The following KIRREL3 variants were observed in gnomAD, a reference collection of about 807,000 sequenced individuals.
KIRREL3 encodes the protein kin of IRRE-like protein 3.
Under a neutral mutation model 89.7 loss-of-function variants are expected in KIRREL3, and 36 were observed. The ratio of observed to expected loss-of-function variants is 0.40; its 90% confidence interval spans 0.31 to 0.53. The LOEUF (loss-of-function observed/expected upper bound fraction) is 0.53. Among genes scored for constraint, KIRREL3 ranks in the 20% least tolerant of loss-of-function variants. The pLI is 0.49. For missense variants in KIRREL3, 864 were observed against 1,056.6 expected (o/e 0.82, Z 2.53); for synonymous variants, 445 against 441.4 (o/e 1.01, Z -0.10).
chr11:126,465,939 G>A (rs1283536598), intron 5 of KIRREL3, among the ~76,000 whole-genome samples: 1 of 152,188 alleles, frequency 6.6e-6, no homozygotes, highest in Non-Finnish European at 1.5e-5. Flanking sequence ...GCAGGGGCGG[G>A]GAGGTGGTGA....
chr11:126,720,443 A>G (rs535842279), intron 1 of KIRREL3, among the ~76,000 whole-genome samples: 2 of 152,352 alleles, frequency 1.3e-5, no homozygotes, highest in African/African-American at 4.8e-5. Flanking sequence ...AATCCCTCAA[A>G]GAAAGATTTT....
Position 126,462,158 on chromosome 11 carries a change from G to A in KIRREL3, c.742+999C>T, listed in dbSNP as rs1236552283. 6.6e-6 allele frequency among the ~76,000 whole-genome samples: 1 copy of A among 152,164 alleles called. No homozygotes were observed. The highest frequency in any genetic ancestry group is 1.5e-5 in the Non-Finnish European group (1 of 68,038). On this transcript the variant is annotated intron_variant, in intron 6 of 16. Transcript: ENST00000525144. The surrounding 1 kb of genome is among the most constrained non-coding windows in gnomAD (Gnocchi z 4.8). ...CTGTTAGGTGGTTGTGGGATGCGAT[G>A]CTGGTGGAGCCCTGAAGCATCATAA...
intron 1 of KIRREL3, among the ~76,000 whole-genome samples, chr11:126,670,891 G>T (rs1426389352): frequency 6.6e-6 from 1 of 152,190 alleles, no homozygotes; most frequent in East Asian, 1.9e-4. Context: ...TAAGAAATAA[G>T]TTGGAGGACT....
rs1946177768 is a variant in KIRREL3 at position 126,896,845 on chromosome 11, A to G, written c.55+103610T>C. On this transcript the variant is annotated intron_variant, in intron 1 of 16. Coordinates refer to ENST00000525144, the MANE Select transcript of KIRREL3 (RefSeq NM_032531.4). This position sits in a 1 kb window ranked among gnomAD's most constrained non-coding sequence, Gnocchi z 4.1. ...CGTGTTCTCCTCTTTCATAGCTTCC[A>G]TTCTTACCCCCATTCACATATCATC... 6.6e-6 allele frequency among the ~76,000 whole-genome samples: 1 copy of G among 152,138 alleles called. No individual in the cohort carries two copies. The highest frequency in any genetic ancestry group is 1.5e-5 in the Non-Finnish European group (1 of 68,036).
chr11:126,450,739 G>C (rs1013004451), intron 7 of KIRREL3, among the ~76,000 whole-genome samples: 1 of 144,670 alleles, frequency 6.9e-6, no homozygotes, highest in African/African-American at 2.9e-5. Flanking sequence ...GTGGGCATGT[G>C]TGAGTGTGGG....
intron 1 of KIRREL3, among the ~76,000 whole-genome samples, chr11:126,846,464 C>T (rs1944146482): frequency 1.3e-5 from 2 of 152,210 alleles, no homozygotes; most frequent in East Asian, 3.9e-4. Context: ...CCTTTTAGGT[C>T]ACATGACTTC....
In KIRREL3 at chr11:126,978,950, AAAC is replaced by A. The variant is rs1949652907; in HGVS notation, c.55+21502_55+21504del. Among the ~76,000 whole-genome samples the A allele has an allele frequency of 6.6e-6, 1 of 152,208 alleles. No individual in the cohort carries two copies. Among genetic ancestry groups the A allele is most frequent in the Non-Finnish European group, 1.5e-5 (1 of 68,032 alleles). ...GCAGGTTTCCCAGTGTGTACTGAGA[AAAC>A]AACAAGGGTTGCCAGAAATGGGAAA... On this transcript the variant is annotated intron_variant, in intron 1 of 16. Transcript: ENST00000525144. The surrounding 1 kb of genome is among the most constrained non-coding windows in gnomAD (Gnocchi z 4.2).
chr11:126,690,018 C>T (rs1946818035), intron 1 of KIRREL3, among the ~76,000 whole-genome samples: 1 of 152,160 alleles, frequency 6.6e-6, no homozygotes, highest in African/African-American at 2.4e-5. Context: ...TTCCCTCTTG[C>T]AGTATCTCCT....
At chr11:126,907,883 A>G (rs138510529) in intron 1 of KIRREL3, among the ~76,000 whole-genome samples, 1 of 152,112 alleles carries the variant, frequency 6.6e-6, no homozygotes, top group African/African-American at 2.4e-5. Context: ...GGGTCTTGGC[A>G]TCTGCTCACC....
rs1224561126 is a variant in KIRREL3, at chr11:126,969,787, G to C, written c.55+30668C>G. 1.3e-5 allele frequency among the ~76,000 whole-genome samples: 2 copies of C among 152,086 alleles called. No homozygotes were observed. The highest frequency in any genetic ancestry group is 4.8e-5 in the African/African-American group (2 of 41,394). ...CAAAGCTGGAGATTGGTGCCTTCCG[G>C]GATTCTGCCATTGAAGGAAGGAAAA... On this transcript the variant is annotated intron_variant, in intron 1 of 16. Transcript: ENST00000525144. This position sits in a 1 kb window ranked among gnomAD's most constrained non-coding sequence, Gnocchi z 4.9.
chr11:126,712,942 TATTAG>T (rs1947819662), intron 1 of KIRREL3, among the ~76,000 whole-genome samples: 5 of 152,186 alleles, frequency 3.3e-5, no homozygotes, highest in African/African-American at 1.2e-4. Context: ...TGGTGCTAGG[TATTAG>T]GTGCTAGGTG....
At chr11:126,518,444 A>G (rs1958484980) in intron 4 of KIRREL3, among the ~76,000 whole-genome samples, 1 of 152,180 alleles carries the variant, frequency 6.6e-6, no homozygotes, top group Non-Finnish European at 1.5e-5. Flanking sequence ...TTGCTTTGCA[A>G]TTTTGCCGGA....
rs1417283022 is a variant in KIRREL3, at chr11:126,905,280, G to C, written c.55+95175C>G. 1.3e-5 allele frequency among the ~76,000 whole-genome samples: 2 copies of C among 152,086 alleles called. No individual in the cohort carries two copies. The highest frequency in any genetic ancestry group is 6.6e-5 in the Admixed American group (1 of 15,264). ...TTTTTAGTGAAGGAGATGCTTCCGG[G>C]GGGAGCTGCAAGCTGAGGGGCTGCA... On this transcript the variant is annotated intron_variant, in intron 1 of 16. Coordinates refer to ENST00000525144, the MANE Select transcript of KIRREL3 (RefSeq NM_032531.4). This position sits in a 1 kb window ranked among gnomAD's most constrained non-coding sequence, Gnocchi z 5.0.
At position 126,492,668 on chromosome 11, in the gene KIRREL3, C is replaced by T. The variant is rs1251134279; in HGVS notation, c.434-19202G>A. Among the ~76,000 whole-genome samples the T allele has an allele frequency of 6.6e-6, 1 of 152,152 alleles. No individual in the cohort carries two copies. Among genetic ancestry groups the T allele is most frequent in the Non-Finnish European group, 1.5e-5 (1 of 68,034 alleles). On this transcript the variant is annotated intron_variant, in intron 4 of 16. Coordinates refer to ENST00000525144, the MANE Select transcript of KIRREL3 (RefSeq NM_032531.4). The surrounding 1 kb of genome is among the most constrained non-coding windows in gnomAD (Gnocchi z 4.8). Reference sequence around the variant, plus strand: ...TTCCTATCAAACTTTGATAAATTGACTCTGAAAGGGCCTTTTCTTCCAAGC... The same window carrying T: ...TTCCTATCAAACTTTGATAAATTGATTCTGAAAGGGCCTTTTCTTCCAAGC...
At chr11:126,539,103 C>A (rs894200597) in intron 2 of KIRREL3, among the ~76,000 whole-genome samples, 8 of 152,132 alleles carry the variant, frequency 5.3e-5, no homozygotes, top group Non-Finnish European at 1.0e-4. Context: ...GGTCCCTGGG[C>A]AAATTGCTTA....
intron 4 of KIRREL3, among the ~76,000 whole-genome samples, chr11:126,481,592 G>T (rs1017693835): frequency 2.6e-5 from 4 of 152,186 alleles, no homozygotes; most frequent in African/African-American, 9.7e-5. Flanking sequence ...AGAAATCTGG[G>T]GGTCTTTCTG....
At chr11:126,547,526 G>C (rs1938904628) in intron 2 of KIRREL3, among the ~76,000 whole-genome samples, 1 of 152,204 alleles carries the variant, frequency 6.6e-6, no homozygotes, top group Non-Finnish European at 1.5e-5. Context: ...GAGCGTGCAG[G>C]GGTAAGGACG....
chr11:126,554,262 C>T (rs1393154305), intron 2 of KIRREL3, among the ~76,000 whole-genome samples: 1 of 152,142 alleles, frequency 6.6e-6, no homozygotes, highest in Non-Finnish European at 1.5e-5. Flanking sequence ...TCCAAGACAG[C>T]TAAGGTTTCA....
Position 126,677,348 on chromosome 11 carries a change from T to C in KIRREL3, c.56-114436A>G, listed in dbSNP as rs912007078. On this transcript the variant is annotated intron_variant, in intron 1 of 16. Transcript: ENST00000525144. This position sits in a 1 kb window ranked among gnomAD's most constrained non-coding sequence, Gnocchi z 5.1. Reference sequence around the variant, plus strand: ...TGGACATTTCGTATAAGTGGAACCATAGACTGTAACTTTTTAGGATTGCAC... The same window carrying C: ...TGGACATTTCGTATAAGTGGAACCACAGACTGTAACTTTTTAGGATTGCAC... Among the ~76,000 whole-genome samples, 10 of 152,208 alleles carry C rather than the reference T, an allele frequency of 6.6e-5. No individual in the cohort carries two copies. Among genetic ancestry groups the C allele is most frequent in the South Asian group, 2.1e-4 (1 of 4,828 alleles).
Sources: allele counts gnomAD v4.1 joint callset (sites outside exome capture counted in the v4.1 genomes callset), GRCh38; gene constraint gnomAD v4.1.1; non-coding constraint Gnocchi (gnomAD v3.1); transcripts MANE v1.5; gene names NCBI Gene and HGNC (gene_info 2026-07-23, HGNC 2026-07-21).